Variants in TRIM66 observed in about 807,000 individuals in gnomAD.
TRIM66 encodes the protein tripartite motif containing 66.
Under a neutral mutation model 148.2 loss-of-function variants are expected in TRIM66, and 99 were observed. The ratio of observed to expected loss-of-function variants is 0.67; its 90% CI spans 0.57 to 0.79. TRIM66 has a LOEUF of 0.79. Ranked by LOEUF, TRIM66 falls within the 30% of genes least tolerant of loss-of-function variation. The pLI is 0.00. For missense variants in TRIM66, 1,666 were observed against 1,697.9 expected (o/e 0.98, Z 0.33); for synonymous variants, 616 against 635.9 (o/e 0.97, Z 0.47).
chr11:8,673,067 G>A (rs1265358476), intron 4 of TRIM66, among the ~76,000 whole-genome samples: 2 of 151,388 alleles, frequency 1.3e-5, no homozygotes, highest in African/African-American at 4.9e-5. Context: ...AGCCTCCCGA[G>A]TAGCTGGGAC....
At chr11:8,622,149 G>A (rs1043521907) in intron 18 of TRIM66, among the ~76,000 whole-genome samples, 4 of 151,342 alleles carry the variant, frequency 2.6e-5, no homozygotes, top group South Asian at 2.1e-4. Flanking sequence ...TGCTAGACGC[G>A]TCCTACCCTT....
chr11:8,662,207 C>A (rs200121641), intron 6 of TRIM66, among the ~76,000 whole-genome samples: 1 of 152,202 alleles, frequency 6.6e-6, no homozygotes, highest in East Asian at 1.9e-4. Context: ...GGACACACTG[C>A]AGCACCTGGA....
chr11:8,629,880 A>C (rs1457734992), intron 15 of TRIM66, among the ~76,000 whole-genome samples: 1 of 152,220 alleles, frequency 6.6e-6, no homozygotes, highest in Non-Finnish European at 1.5e-5. Context: ...ATTTCCACGG[A>C]GGAAGGGACT....
At chr11:8,682,755 C>G (rs200312442), upstream of TRIM66, 4,193 of 1,611,862 alleles carry the variant, frequency 2.6e-3, 13 homozygotes, top group Non-Finnish European at 3.1e-3. Flanking sequence ...GCCCCGCCCC[C>G]GTGGCCGATA....
intron 6 of TRIM66, among the ~76,000 whole-genome samples, chr11:8,671,491 T>C (rs1382785516): frequency 6.6e-6 from 1 of 152,214 alleles, no homozygotes; most frequent in Non-Finnish European, 1.5e-5. Context: ...TCAGAACACA[T>C]CCTCTCCGTC....
chr11:8,627,901 T>C (rs779770832), intron 15 of TRIM66, among the ~76,000 whole-genome samples: 2 of 152,236 alleles, frequency 1.3e-5, no homozygotes, highest in Non-Finnish European at 2.9e-5. Flanking sequence ...CACAGCTCAC[T>C]GCAGCCTTGA....
At chr11:8,638,360 C>T (rs1400529243) in intron 15 of TRIM66, among the ~76,000 whole-genome samples, 8 of 152,286 alleles carry the variant, frequency 5.3e-5, no homozygotes, top group East Asian at 1.9e-4. Context: ...GCAGCACACA[C>T]GGTTCCAAGC....
At chr11:8,638,551 A>AC in intron 15 of TRIM66, 103 bp downstream of exon 15, 1 of 1,306,418 alleles carries the variant, frequency 7.7e-7, no homozygotes, top group Middle Eastern at 1.9e-4. Flanking sequence ...CAGGGATGGA[A>AC]CAGGGACGCT....
chr11:8,633,331 A>AG (rs2035589688), intron 15 of TRIM66, among the ~76,000 whole-genome samples: 1 of 152,046 alleles, frequency 6.6e-6, no homozygotes, highest in Non-Finnish European at 1.5e-5. Context: ...TCAAAAAAAA[A>AG]AAATTATTTT....
intron 6 of TRIM66, among the ~76,000 whole-genome samples, chr11:8,654,067 C>T (rs148571255): frequency 4.6e-5 from 7 of 152,262 alleles, no homozygotes; most frequent in South Asian, 2.1e-4. Context: ...CAAGACATCC[C>T]GGGTACCAGA....
In TRIM66 at chr11:8,671,898, T is replaced by G. The variant is rs1045124076; in HGVS notation, c.228A>C (p.Pro76=). 12 of 1,536,040 alleles carry G rather than the reference T, an allele frequency of 7.8e-6. No individual in the cohort carries two copies. Among genetic ancestry groups the G allele is most frequent in the Middle Eastern group, 1.7e-4 (1 of 6,012 alleles). Residue 76 remains proline, a synonymous_variant, in exon 6 of 25, where the codon CCA becomes CCC. Transcript: ENST00000646038. ...AGGATAGGAGATGAGAGCCCATACC[T>G]GGCAGGTCCTGATGGCACAATGAGC... The part of the protein sequence containing the change: ...MTCSLCHQDL[P]GMGSHLLSCQ...
In TRIM66 at chr11:8,621,228, C is replaced by T. The variant is rs1379019832; in HGVS notation, c.3349G>A (p.Glu1117Lys). Residue 1117 changes from glutamate to lysine, a missense_variant, in exon 20 of 25, where the codon GAA (glutamate) becomes AAA (lysine). By Grantham distance (56) the Glu-to-Lys change is moderately conservative (BLOSUM62 1). Coordinates refer to ENST00000646038, the MANE Select transcript of TRIM66 (RefSeq NM_001388022.1). ...VTSLAGQRPP[E>K]VEGTSPEEHR... Reference sequence around the variant, plus strand: ...TCTTCAGGAGATGTGCCCTCCACTTCTGGTGGCCGCTGCCCAGCCAAAGAA... The same window carrying T: ...TCTTCAGGAGATGTGCCCTCCACTTTTGGTGGCCGCTGCCCAGCCAAAGAA... The T allele has an allele frequency of 6.4e-7, 1 of 1,551,738 alleles. No homozygotes were observed. Among genetic ancestry groups the T allele is most frequent in the Non-Finnish European group, 8.7e-7 (1 of 1,146,998 alleles).
At position 8,635,360 on chromosome 11, in the gene TRIM66, C is replaced by T. The variant is rs143410068; in HGVS notation, c.2310+3294G>A. On this transcript the variant is annotated intron_variant, in intron 15 of 24. Coordinates refer to ENST00000646038, the MANE Select transcript of TRIM66 (RefSeq NM_001388022.1). ...GTAAAAACCTATGAAAAAATTAGAA[C>T]GATACTATACAAAGTATTATCACTC... 2.1e-3 allele frequency among the ~76,000 whole-genome samples: 313 copies of T among 152,206 alleles called. 1 individual carries two copies. The highest frequency in any genetic ancestry group is 7.2e-3 in the African/African-American group (300 of 41,540).
intron 12 of TRIM66, among the ~76,000 whole-genome samples, chr11:8,643,385 G>C (rs2036573580): frequency 6.6e-6 from 1 of 150,514 alleles, no homozygotes; most frequent in Admixed American, 6.6e-5. Flanking sequence ...TGTTGCCCAG[G>C]CTGGAGTGCA....
rs894355265 is a variant in TRIM66 at position 8,620,063 on chromosome 11, G to A, written c.3734C>T (p.Pro1245Leu). 3 of 1,551,596 alleles carry A rather than the reference G, an allele frequency of 1.9e-6. No individual in the cohort carries two copies. The African/African-American group carries it at 4.1e-5, about 21-fold the overall frequency. Residue 1245 changes from proline (P) to leucine (L), a missense_variant, in exon 22 of 25, where the codon CCT (proline) becomes CTT (leucine). By Grantham distance (98) the Pro-to-Leu change is moderately conservative. Coordinates refer to ENST00000646038, the MANE Select transcript of TRIM66 (RefSeq NM_001388022.1). ...CNNLSLPFHE[P>L]VSPLARHYYQ... ...GGCCTTCCTTACCAGGGGGCTGACAGGTTCATGGAAGGGCAGGCTGAGGTT... is the reference window on the plus strand; with the variant it reads ...GGCCTTCCTTACCAGGGGGCTGACAAGTTCATGGAAGGGCAGGCTGAGGTT...
At chr11:8,681,874 A>G (rs558405923) in intron 1 of TRIM66, among the ~76,000 whole-genome samples, 30 of 152,146 alleles carry the variant, frequency 2.0e-4, no homozygotes, top group Non-Finnish European at 3.1e-4. Context: ...AAAGGGTCAC[A>G]GGCGTGTTAT....
chr11:8,652,048 T>C (rs2037404210), intron 6 of TRIM66, 145 bp from the exon 7 acceptor site: 1 of 647,350 alleles, frequency 1.5e-6, no homozygotes, highest in African/African-American at 1.8e-5. Context: ...TGCCATAGCC[T>C]GCATTTAGTA....
chr11:8,621,947 A>T, intron 18 of TRIM66, 128 bp from the exon 19 acceptor site: 1 of 985,712 alleles, frequency 1.0e-6, no homozygotes, highest in Non-Finnish European at 1.4e-6. Flanking sequence ...TGAAGGATAC[A>T]AAGTATTTAT....
In TRIM66 at chr11:8,647,892, C is replaced by T. The variant is rs1014184880; in HGVS notation, c.842+78G>A. 4.4e-6 allele frequency: 5 copies of T among 1,127,930 alleles called. No homozygotes were observed. In the African/African-American group the frequency reaches 7.7e-5, roughly 17 times the overall value. The allele number at this position is 1,127,930 out of a possible 1,614,324, so 69.9% of individuals were successfully genotyped here. A position where few individuals can be genotyped will look rare whatever the true frequency, so the allele number is the denominator to read the frequency against. ...CAGTTCCTCTTCACAGGCACTACAT[C>T]TGACGGCCTGGTGTTGGAACCCTGG... On this transcript the variant is annotated intron_variant, in intron 10 of 24. Transcript: ENST00000646038.
Sources: gnomAD v4.1 joint callset for allele counts (sites outside exome capture counted in the v4.1 genomes callset) on GRCh38, gnomAD v4.1.1 for gene constraint, MANE v1.5 for transcripts, NCBI Gene and HGNC (gene_info 2026-07-23, HGNC 2026-07-21) for gene names.